The following MYO9B variants were observed in gnomAD, a reference collection of about 807,000 sequenced individuals.
The protein encoded by MYO9B is unconventional myosin-IXb.
In MYO9B, 71 loss-of-function variants were observed where a neutral mutation model predicts 229.5. The ratio of observed to expected loss-of-function variants is 0.31; its 90% CI spans 0.26 to 0.38. MYO9B has a LOEUF of 0.38. MYO9B is among the 10% of genes least tolerant of loss of function. The pLI is 1.00. For missense variants in MYO9B, 2,255 were observed against 2,920.5 expected, an observed-to-expected ratio of 0.77 and a Z score of 5.25; for synonymous variants, 1,185 against 1,235.8, an observed-to-expected ratio of 0.96 and a Z score of 0.86.
intron 1 of MYO9B, among the ~76,000 whole-genome samples, chr19:17,095,153 G>A (rs1442682615): frequency 2.0e-5 from 3 of 152,178 alleles, no homozygotes; most frequent in African/African-American, 7.2e-5. Context: ...TGAGGCAGGA[G>A]AATCGCTTGA....
Position 17,202,994 on chromosome 19 carries a change from C to T in MYO9B, c.4878+111C>T, listed in dbSNP as rs764415062. The T allele has an allele frequency of 3.1e-5, 44 of 1,411,662 alleles. 1 individual carries two copies. The South Asian group carries it at 4.3e-4, about 14-fold the overall frequency. 87.4% of individuals were successfully genotyped at this position (1,411,662 alleles called of 1,614,324 possible). A position where few individuals can be genotyped will look rare whatever the true frequency, so the allele number is the denominator to read the frequency against. On this transcript the variant is annotated intron_variant, in intron 29 of 39. Coordinates refer to ENST00000682292, the MANE Select transcript of MYO9B (RefSeq NM_004145.4). ...GGGCCCGTCTGCACGCGTATGTGTG[C>T]GTGGACACGTGTGAGTGTGTTTTTC...
rs1425330326 is a variant in MYO9B, at chr19:17,084,236, G to A, written c.-59+8362G>A. Among the ~76,000 whole-genome samples, 8 of 152,118 alleles carry A rather than the reference G, an allele frequency of 5.3e-5. No individual in the cohort carries two copies. The East Asian group carries it at 1.4e-3, about 26-fold the overall frequency. ...GCCTGTGGTCCCAGCTACTCAGGAG[G>A]CTGAGGCCGGAGGATCACTTGAGCC... On this transcript the variant is annotated intron_variant, in intron 1 of 39. Transcript: ENST00000682292.
intron 6 of MYO9B, 132 bp from the exon 7 acceptor site, chr19:17,156,777 A>T: frequency 9.8e-7 from 1 of 1,020,148 alleles, no homozygotes; most frequent in Non-Finnish European, 1.4e-6. Context: ...CAGAGGCCTT[A>T]GACATTTTTC....
intron 11 of MYO9B, among the ~76,000 whole-genome samples, chr19:17,170,453 C>G (rs1282324864): frequency 6.6e-6 from 1 of 151,842 alleles, no homozygotes; most frequent in African/African-American, 2.4e-5. Context: ...AAACCTAGTC[C>G]CTGTCCAGGT....
chr19:17,078,463 C>T lies in MYO9B; in HGVS notation c.-59+2589C>T, dbSNP rs183609990. ...GCTGAGACAGGAGAATTGCTTGAAC[C>T]CAGGAGGCGGAGTTTGCAGCCAGCC... On this transcript the variant is annotated intron_variant, in intron 1 of 39. Transcript: ENST00000682292. 3.9e-3 allele frequency among the ~76,000 whole-genome samples: 599 copies of T among 152,202 alleles called. 1 individual carries two copies. Among genetic ancestry groups the T allele is most frequent in the Admixed American group, 8.6e-3 (131 of 15,270 alleles).
rs765909069 is a variant in MYO9B at position 17,211,531 on chromosome 19, G to C, written c.5931-116G>C. On this transcript the variant is annotated intron_variant, in intron 38 of 39. Coordinates refer to ENST00000682292, the MANE Select transcript of MYO9B (RefSeq NM_004145.4). ...CTCAAGCAATCCTCCTGCTTGGGGT[G>C]GGGGGAGGTTGGGGACACAGAGTTA... 4.3e-4 allele frequency: 405 copies of C among 942,702 alleles called. 1 individual carries two copies. The highest frequency in any genetic ancestry group is 5.7e-4 in the Non-Finnish European group (365 of 644,870). 58.4% of individuals were successfully genotyped at this position (942,702 alleles called of 1,614,324 possible). A position where few individuals can be genotyped will look rare whatever the true frequency, so the allele number is the denominator to read the frequency against.
chr19:17,184,144 CT>C (rs2052131769), intron 16 of MYO9B: 1 of 507,658 alleles, frequency 2.0e-6, no homozygotes, highest in African/African-American at 2.0e-5. Flanking sequence ...AGGGAGGAAG[CT>C]AGGGGCGTAA....
At position 17,195,470 on chromosome 19, in the gene MYO9B, C is replaced by T. The variant is rs1190989619; in HGVS notation, c.4043C>T (p.Thr1348Ile). The change falls in exon 22 of 40, where the codon ACA becomes ATA. Residue 1348 changes from threonine to isoleucine, a missense_variant. Coordinates refer to ENST00000682292, the MANE Select transcript of MYO9B (RefSeq NM_004145.4). The surrounding 1 kb of genome is among the most constrained non-coding windows in gnomAD (Gnocchi z 4.5). Reference sequence around the variant, plus strand: ...GCCACAGGGGCCGCCCTCACGCCCACAGAGTAAGCCCCACACCCTCTTTTG... The same window carrying T: ...GCCACAGGGGCCGCCCTCACGCCCATAGAGTAAGCCCCACACCCTCTTTTG... Reference protein sequence around the residue: ...HRATGAALTPTEERRTSFSTS... With the variant: ...HRATGAALTPIEERRTSFSTS... The T allele has an allele frequency of 6.3e-7, 1 of 1,590,896 alleles. No individual in the cohort carries two copies. The highest frequency in any genetic ancestry group is 2.3e-5 in the East Asian group (1 of 44,192).
chr19:17,085,711 A>C (rs2057576108), intron 1 of MYO9B, among the ~76,000 whole-genome samples: 1 of 151,658 alleles, frequency 6.6e-6, no homozygotes, highest in African/African-American at 2.4e-5. Flanking sequence ...TTGCACCTGT[A>C]GTCCCAGCTA....
intron 6 of MYO9B, among the ~76,000 whole-genome samples, chr19:17,155,839 C>T (rs1016846681): frequency 1.3e-5 from 2 of 151,902 alleles, no homozygotes; most frequent in African/African-American, 2.4e-5. Flanking sequence ...GGCAACATGG[C>T]GAAACCCTGT....
intron 2 of MYO9B, among the ~76,000 whole-genome samples, chr19:17,117,486 G>T (rs2057916283): frequency 6.6e-6 from 1 of 152,160 alleles, no homozygotes; most frequent in South Asian, 2.1e-4. Flanking sequence ...CCGACACGTG[G>T]TTCCTCCTGG....
chr19:17,202,995 G>C (rs55862521), intron 29 of MYO9B, 112 bp downstream of exon 29: 1 of 1,375,372 alleles, frequency 7.3e-7, no homozygotes. Context: ...GTATGTGTGC[G>C]TGGACACGTG....
rs1485590310 is a variant in MYO9B, at chr19:17,203,220, C to T, written c.4952C>T (p.Ser1651Phe). The T allele has an allele frequency of 6.4e-7, 1 of 1,567,842 alleles. No homozygotes were observed. The highest frequency in any genetic ancestry group is 8.6e-7 in the Non-Finnish European group (1 of 1,156,250). ...SIPQSCEQCL[S>F]YIWLMDKALL... Reference sequence around the variant, plus strand: ...CCGCAGTCGTGCGAGCAGTGCCTCTCCTATATCTGGCTCATGGACAAGGCC... The same window carrying T: ...CCGCAGTCGTGCGAGCAGTGCCTCTTCTATATCTGGCTCATGGACAAGGCC... The change falls in exon 30 of 40, where the codon TCC becomes TTC. Residue 1651 changes from serine to phenylalanine, a missense_variant. Transcript: ENST00000682292.
intron 2 of MYO9B, among the ~76,000 whole-genome samples, chr19:17,127,260 T>C (rs2145155056): frequency 6.9e-6 from 1 of 144,490 alleles, no homozygotes; most frequent in South Asian, 2.3e-4. Flanking sequence ...CCCCTCGGCC[T>C]TCCAAAGTGC....
chr19:17,201,776 A>G, intron 26 of MYO9B, 150 bp from the exon 27 acceptor site: 1 of 633,182 alleles, frequency 1.6e-6, no homozygotes. Flanking sequence ...TGACAAGATG[A>G]GAGACCAGGC....
intron 2 of MYO9B, among the ~76,000 whole-genome samples, chr19:17,118,550 T>C (rs2057930008): frequency 6.6e-6 from 1 of 152,040 alleles, no homozygotes; most frequent in Non-Finnish European, 1.5e-5. Context: ...GGTGCGATCT[T>C]GGCTCACTAA....
intron 1 of MYO9B, among the ~76,000 whole-genome samples, chr19:17,080,127 T>C (rs560062425): frequency 1.3e-5 from 2 of 152,174 alleles, no homozygotes; most frequent in Non-Finnish European, 2.9e-5. Context: ...GTCGGAGTGA[T>C]GAATAAGATA....
intron 17 of MYO9B, among the ~76,000 whole-genome samples, 160 bp downstream of exon 17, chr19:17,185,147 G>A (rs10426494): frequency 0.075 from 11,414 of 151,978 alleles, 845 homozygotes; most frequent in African/African-American, 0.19. Context: ...AGGCCGAGGC[G>A]GGCGGATCAC....
rs756594771 is a variant in MYO9B, at chr19:17,102,354, C to T, written c.637C>T (p.Pro213Ser). ...GAACCAGCAGCTGGGCAAGCTGGAG[C>T]CACACGTCTTCGCGCTGGCCGACGT... Reference protein sequence around the residue: ...YENQQLGKLEPHVFALADVAY... With the variant: ...YENQQLGKLESHVFALADVAY... Residue 213 changes from proline (P) to serine (S), a missense_variant, in exon 2 of 40, where the codon CCA becomes TCA. Coordinates refer to ENST00000682292, the MANE Select transcript of MYO9B (RefSeq NM_004145.4). 1 of 1,614,028 alleles carries T rather than the reference C, an allele frequency of 6.2e-7. No homozygotes were observed. Among genetic ancestry groups the T allele is most frequent in the South Asian group, 1.1e-5 (1 of 91,090 alleles).
Sources: allele counts gnomAD v4.1 joint callset (sites outside exome capture counted in the v4.1 genomes callset), GRCh38; gene constraint gnomAD v4.1.1; non-coding constraint Gnocchi (gnomAD v3.1); transcripts MANE v1.5; gene names NCBI Gene and HGNC (gene_info 2026-07-23, HGNC 2026-07-21).